The following UBE2O variants were observed in gnomAD, a reference collection of about 807,000 sequenced individuals.
UBE2O encodes the protein ubiquitin conjugating enzyme E2 O, also known as (E3-independent) E2 ubiquitin-conjugating enzyme.
In UBE2O, 15 loss-of-function variants were observed where a neutral mutation model predicts 125.8. The ratio of observed to expected loss-of-function variants is 0.12; its 90% CI spans 0.08 to 0.18. The LOEUF (loss-of-function observed/expected upper bound fraction) is 0.18, where lower values mean the gene tolerates loss of function less well. Ranked by LOEUF, UBE2O falls within the 10% of genes least tolerant of loss-of-function variation. The pLI is 1.00. For synonymous variants in UBE2O, 708 were observed against 703.2 expected, an observed-to-expected ratio of 1.01 and a Z score of -0.11; for missense variants, 1,280 against 1,723.6, an observed-to-expected ratio of 0.74 and a Z score of 4.56.
At chr17:76,447,620 T>A (rs1223436067) in intron 1 of UBE2O, among the ~76,000 whole-genome samples, 4 of 152,204 alleles carry the variant, frequency 2.6e-5, no homozygotes, top group African/African-American at 9.7e-5. Flanking sequence ...TTACTTTAAA[T>A]GTGCATTACT....
Position 76,390,888 on chromosome 17 carries a change from A to T in UBE2O, c.*55T>A, listed in dbSNP as rs1341586952. On this transcript the variant is annotated 3_prime_UTR_variant, in exon 18 of 18. Transcript: ENST00000319380. ...AGAGGGGTGATTCCGGGGGGGAGTG[A>T]GCAGGCGGCGGCTGGCCTCTCCCAC... 1 of 1,517,608 alleles carries T rather than the reference A, an allele frequency of 6.6e-7. No homozygotes were observed. The highest frequency in any genetic ancestry group is 8.9e-7 in the Non-Finnish European group (1 of 1,129,194). 94.0% of individuals were successfully genotyped at this position (1,517,608 alleles called of 1,614,324 possible).
rs746960916 is a variant in UBE2O, at chr17:76,396,400, T to C, written c.2537A>G (p.Lys846Arg). ...SPTSPTVEPEKPTREKKFLDD... is the reference protein window; with the variant it reads ...SPTSPTVEPERPTREKKFLDD... ...CAGAAACTTCTTCTCCCGAGTTGGC[T>C]TCTCAGGCTCCACAGTCGGAGAGGT... Residue 846 changes from lysine (K) to arginine (R), a missense_variant, in exon 14 of 18, where the codon AAG (lysine) becomes AGG (arginine). Physicochemically the swap from Lys to Arg is conservative, Grantham distance 26. This residue lies in a region of UBE2O where 210 missense variants were observed against 268.9 expected (regional missense o/e 0.78). Transcript: ENST00000319380. The surrounding 1 kb of genome is among the most constrained non-coding windows in gnomAD (Gnocchi z 6.7). The C allele has an allele frequency of 7.4e-5, 119 of 1,614,102 alleles. No individual in the cohort carries two copies. The highest frequency in any genetic ancestry group is 9.1e-5 in the Non-Finnish European group (107 of 1,180,038).
rs572196988 is a variant in UBE2O, at chr17:76,402,180, A to G, written c.687-53T>C. On this transcript the variant is annotated intron_variant, in intron 4 of 17. Coordinates refer to ENST00000319380, the MANE Select transcript of UBE2O (RefSeq NM_022066.4). The surrounding 1 kb of genome is among the most constrained non-coding windows in gnomAD (Gnocchi z 5.4). ...CCACCAGGGGACACAGTGAGTACCA[A>G]AAAGTTGCGATTCTGAGATGCCAAT... 1 of 1,579,184 alleles carries G rather than the reference A, an allele frequency of 6.3e-7. No individual in the cohort carries two copies. The highest frequency in any genetic ancestry group is 8.6e-7 in the Non-Finnish European group (1 of 1,156,316).
At position 76,395,639 on chromosome 17, in the gene UBE2O, A is replaced by T; in HGVS notation, c.2946+86T>A. 4.0e-6 allele frequency: 6 copies of T among 1,505,616 alleles called. No homozygotes were observed. The highest frequency in any genetic ancestry group is 5.3e-6 in the Non-Finnish European group (6 of 1,122,998). The allele number at this position is 1,505,616 out of a possible 1,614,324, so 93.3% of individuals were successfully genotyped here. On this transcript the variant is annotated intron_variant, in intron 15 of 17. Coordinates refer to ENST00000319380, the MANE Select transcript of UBE2O (RefSeq NM_022066.4). The surrounding 1 kb of genome is among the most constrained non-coding windows in gnomAD (Gnocchi z 5.0). ...CCTCGCAGGTGCCAGTCAGCCCCGG[A>T]GGTTTGGGGACCCAAGGTTGGTGGC...
Position 76,391,182 on chromosome 17 carries a change from C to T in UBE2O, c.3640G>A (p.Asp1214Asn). 2 of 1,613,230 alleles carry T rather than the reference C, an allele frequency of 1.2e-6. No homozygotes were observed. Among genetic ancestry groups the T allele is most frequent in the Non-Finnish European group, 1.7e-6 (2 of 1,179,462 alleles). The change falls in exon 18 of 18, where the codon GAC (aspartate) becomes AAC (asparagine). Residue 1214 changes from aspartate (D) to asparagine (N), a missense_variant. Around this residue, in one of 10 missense-constraint regions of UBE2O, gnomAD observed 233 missense variants for 279.0 expected, o/e 0.84. Transcript: ENST00000319380. This position sits in a 1 kb window ranked among gnomAD's most constrained non-coding sequence, Gnocchi z 8.4. ...GTCTCCGAAGTCTGGTCTGTGTGGT[C>T]CCTGCTAGCTGAGGCCAGGCCCTGG... ...GAQGLASASR[D>N]HTDQTSETAP...
In UBE2O at chr17:76,389,881, A is replaced by C. The variant is rs577233009; in HGVS notation, c.*1062T>G. On this transcript the variant is annotated 3_prime_UTR_variant, in exon 18 of 18. Coordinates refer to ENST00000319380, the MANE Select transcript of UBE2O (RefSeq NM_022066.4). ...ACCTTAAATATTACATACATACACC[A>C]AAAATTACATAGCTGCAATGTGCTC... 6.6e-6 allele frequency: 1 copy of C among 152,572 alleles called. No homozygotes were observed. Among genetic ancestry groups the C allele is most frequent in the East Asian group, 1.9e-4 (1 of 5,182 alleles). The allele number at this position is 152,572 out of a possible 1,614,324, so 9.5% of individuals were successfully genotyped here. A position where few individuals can be genotyped will look rare whatever the true frequency, so the allele number is the denominator to read the frequency against.
intron 1 of UBE2O, among the ~76,000 whole-genome samples, chr17:76,440,548 G>C (rs930026138): frequency 2.0e-5 from 3 of 152,146 alleles, no homozygotes. Flanking sequence ...GGCTGGTCTC[G>C]AACTCCTGGC....
intron 1 of UBE2O, among the ~76,000 whole-genome samples, chr17:76,448,598 T>C (rs1401306904): frequency 6.6e-6 from 1 of 152,170 alleles, no homozygotes; most frequent in East Asian, 1.9e-4. Context: ...ACCCTGAATG[T>C]CATGGCAACT....
intron 1 of UBE2O, among the ~76,000 whole-genome samples, chr17:76,422,476 CA>C (rs1435505565): frequency 1.3e-5 from 2 of 152,216 alleles, no homozygotes; most frequent in Non-Finnish European, 2.9e-5. Flanking sequence ...GCCCATTCAG[CA>C]AACTGAATAA....
At chr17:76,403,173 AAC>A (rs2072358510) in intron 3 of UBE2O, among the ~76,000 whole-genome samples, 1 of 150,078 alleles carries the variant, frequency 6.7e-6, no homozygotes, top group Admixed American at 6.6e-5. Context: ...GGTGTTTACT[AAC>A]AGAAAGGGAG....
rs918712365 is a variant in UBE2O, at chr17:76,452,007, C to T, written c.417+718G>A. ...CCTTCGGGTTTCCAAATTGGTGACT[C>T]CCCTCTACCCAGGGTTCTGGATTAT... On this transcript the variant is annotated intron_variant, in intron 1 of 17. Coordinates refer to ENST00000319380, the MANE Select transcript of UBE2O (RefSeq NM_022066.4). This position sits in a 1 kb window ranked among gnomAD's most constrained non-coding sequence, Gnocchi z 4.4. Among the ~76,000 whole-genome samples the T allele has an allele frequency of 2.6e-5, 4 of 152,050 alleles. No individual in the cohort carries two copies. Among genetic ancestry groups the T allele is most frequent in the Non-Finnish European group, 5.9e-5 (4 of 68,014 alleles).
chr17:76,394,143 C>G (rs1177956554), intron 15 of UBE2O, among the ~76,000 whole-genome samples: 1 of 152,212 alleles, frequency 6.6e-6, no homozygotes, highest in Non-Finnish European at 1.5e-5. Flanking sequence ...GTGGCTACTC[C>G]GGGCCCATCT....
intron 1 of UBE2O, among the ~76,000 whole-genome samples, chr17:76,427,769 A>G (rs776796873): frequency 6.6e-6 from 1 of 152,182 alleles, no homozygotes; most frequent in Admixed American, 6.5e-5. Flanking sequence ...CTCCAACACA[A>G]TCCAGAGTGT....
intron 1 of UBE2O, among the ~76,000 whole-genome samples, chr17:76,423,893 GTTC>G (rs2072753386): frequency 1.2e-5 from 1 of 81,948 alleles, no homozygotes; most frequent in African/African-American, 4.0e-5. Context: ...TCCAGGTTGG[GTTC>G]TTTTTTTTTT....
At position 76,391,645 on chromosome 17, in the gene UBE2O, TGA is replaced by T. The variant is rs1395989639; in HGVS notation, c.3209-34_3209-33del. The T allele has an allele frequency of 1.2e-6, 2 of 1,602,422 alleles. No individual in the cohort carries two copies. Among genetic ancestry groups the T allele is most frequent in the Non-Finnish European group, 1.7e-6 (2 of 1,172,442 alleles). On this transcript the variant is annotated intron_variant, in intron 17 of 17. Transcript: ENST00000319380. This position sits in a 1 kb window ranked among gnomAD's most constrained non-coding sequence, Gnocchi z 8.4. The stretch of plus-strand genomic sequence containing the variant: ...GGGCGGGACACCTTCCCTCAGTGGG[TGA>T]GAGAGGCCCACAATGCAGGCCTACC...
chr17:76,431,184 T>C (rs1317450451), intron 1 of UBE2O: 4 of 165,078 alleles, frequency 2.4e-5, no homozygotes, highest in Non-Finnish European at 3.9e-5. Context: ...AAAGTACTTA[T>C]ATACAACTAG....
chr17:76,403,102 A>G (rs1385282782), intron 3 of UBE2O, among the ~76,000 whole-genome samples: 1 of 152,162 alleles, frequency 6.6e-6, no homozygotes, highest in Non-Finnish European at 1.5e-5. Flanking sequence ...GCTCTGAGTA[A>G]ATACGTTAAC....
At chr17:76,440,163 C>G (rs1429085843) in intron 1 of UBE2O, among the ~76,000 whole-genome samples, 1 of 152,206 alleles carries the variant, frequency 6.6e-6, no homozygotes, top group Non-Finnish European at 1.5e-5. Context: ...CGATGGTTCT[C>G]TCTCCTATCT....
rs200219712 is a variant in UBE2O, at chr17:76,395,877, G to A, written c.2810-16C>T. On this transcript the variant is annotated splice_polypyrimidine_tract_variant and intron_variant, in intron 14 of 17. Transcript: ENST00000319380. This position sits in a 1 kb window ranked among gnomAD's most constrained non-coding sequence, Gnocchi z 5.0. ...GAATGATTTGCTAGAGGGGGGAAGA[G>A]AATAGTCAGTCCCTCATGGAGAGGC... The A allele has an allele frequency of 9.9e-6, 16 of 1,613,996 alleles. No homozygotes were observed. In the African/African-American group the frequency reaches 1.9e-4, roughly 19 times the overall value.
Sources: gnomAD v4.1 joint callset for allele counts (sites outside exome capture counted in the v4.1 genomes callset) on GRCh38, gnomAD v4.1.1 for gene constraint, gnomAD v4.1.1 regional missense constraint, Gnocchi (gnomAD v3.1) non-coding constraint, MANE v1.5 for transcripts, NCBI Gene and HGNC (gene_info 2026-07-23, HGNC 2026-07-21) for gene names.